SLC16A2: variants seen among roughly 807,000 people sequenced by gnomAD.
The protein encoded by SLC16A2 is monocarboxylate transporter 8.
A neutral mutation model predicts 27.2 loss-of-function variants in SLC16A2; 3 were observed. That is an observed-to-expected ratio of 0.11 (90% CI 0.05 to 0.28). The LOEUF (loss-of-function observed/expected upper bound fraction) is 0.28, where lower values mean the gene tolerates loss of function less well. SLC16A2 is among the 10% of genes least tolerant of loss of function. SLC16A2 has a pLI of 1.00. For synonymous variants in SLC16A2, 202 were observed against 187.8 expected (o/e 1.08, Z -0.62); for missense variants, 295 against 458.5 (o/e 0.64, Z 3.26).
rs758574267 is a variant in SLC16A2 at position 74,441,994 on chromosome X, C to T, written c.430+19927C>T. 2.1e-4 allele frequency among the ~76,000 whole-genome samples: 23 copies of T among 109,913 alleles called. No individual in the cohort carries two copies. In the South Asian group the frequency reaches 2.8e-3, roughly 13 times the overall value. Reference sequence around the variant, plus strand: ...CTGTAATCTCAGCACTTTGGGAGGCCGAGGCGGGTGGATCACCTGAGGTTG... The same window carrying T: ...CTGTAATCTCAGCACTTTGGGAGGCTGAGGCGGGTGGATCACCTGAGGTTG... On this transcript the variant is annotated intron_variant, in intron 1 of 5. Transcript: ENST00000587091.
At chrX:74,435,533 A>ATG (rs750070122) in intron 1 of SLC16A2, among the ~76,000 whole-genome samples, 23,131 of 79,731 alleles carry the variant, frequency 0.29, 3,475 homozygotes, top group African/African-American at 0.51. Context: ...ATGCATATAT[A>ATG]TATGTATATA....
At chrX:74,439,186 T>TTCTTTCTTTCTTTCTTTCTTTCTTTC (rs1555981279) in intron 1 of SLC16A2, among the ~76,000 whole-genome samples, 1 of 51,483 alleles carries the variant, frequency 1.9e-5, no homozygotes, top group East Asian at 6.8e-3. Context: ...CTTTCTTTCT[T>TTCTTTCTTTCTTTCTTTCTTTCTTTC]TTTCTTTCTT....
At position 74,529,332 on chromosome X, in the gene SLC16A2, C is replaced by T; in HGVS notation, c.1290C>T (p.Ile430=). The change falls in exon 5 of 6, where the codon ATC becomes ATT. Residue 430 remains isoleucine, a synonymous_variant. Transcript: ENST00000587091. ...TTTGCGATGGCTTCTTCATCACCATCATGGCCCCCATTGCATTTGAGCTGG... is the reference window on the plus strand; with the variant it reads ...TTTGCGATGGCTTCTTCATCACCATTATGGCCCCCATTGCATTTGAGCTGG... The part of the protein sequence containing the change: ...LGLCDGFFIT[I]MAPIAFELVG... 1.7e-6 allele frequency: 2 copies of T among 1,209,247 alleles called. No individual in the cohort carries two copies. Among genetic ancestry groups the T allele is most frequent in the Non-Finnish European group, 2.2e-6 (2 of 893,915 alleles).
intron 1 of SLC16A2, among the ~76,000 whole-genome samples, chrX:74,502,530 T>C (rs1030605003): frequency 5.3e-5 from 6 of 112,569 alleles, no homozygotes; most frequent in Non-Finnish European, 1.1e-4. Flanking sequence ...GCTCTCTGGA[T>C]ATTTGTAAAT....
intron 1 of SLC16A2, among the ~76,000 whole-genome samples, chrX:74,464,678 T>A (rs1929218059): frequency 9.0e-6 from 1 of 111,517 alleles, no homozygotes; most frequent in Non-Finnish European, 1.9e-5. Flanking sequence ...TAGGGGAGAC[T>A]GGAAGTCCAT....
At chrX:74,522,775 C>T (rs920634354) in intron 2 of SLC16A2, among the ~76,000 whole-genome samples, 6 of 111,817 alleles carry the variant, frequency 5.4e-5, no homozygotes, top group Non-Finnish European at 1.1e-4. Context: ...TTCTTCTCTA[C>T]CCGCTTTGTT....
chrX:74,427,919 A>G (rs1333633544), intron 1 of SLC16A2, among the ~76,000 whole-genome samples: 1 of 111,054 alleles, frequency 9.0e-6, no homozygotes, highest in Non-Finnish European at 1.9e-5. Flanking sequence ...TCATGGAATT[A>G]GGTGTACCAG....
intron 1 of SLC16A2, among the ~76,000 whole-genome samples, chrX:74,496,323 T>A (rs1406444450): frequency 9.0e-6 from 1 of 110,849 alleles, no homozygotes; most frequent in Non-Finnish European, 1.9e-5. Context: ...TACAAGCATA[T>A]CTGACTATCA....
chrX:74,482,789 C>T (rs188466731), intron 1 of SLC16A2, among the ~76,000 whole-genome samples: 3 of 110,772 alleles, frequency 2.7e-5, no homozygotes, highest in East Asian at 5.7e-4. Context: ...CCTTGACTTC[C>T]TGGGCTCAAC....
intron 1 of SLC16A2, among the ~76,000 whole-genome samples, chrX:74,487,050 A>G (rs912696953): frequency 1.8e-5 from 2 of 111,667 alleles, no homozygotes; most frequent in Non-Finnish European, 3.8e-5. Context: ...TAATTCTATT[A>G]ACCTGTAGGT....
At chrX:74,496,570 G>A (rs1342108508) in intron 1 of SLC16A2, among the ~76,000 whole-genome samples, 1 of 112,080 alleles carries the variant, frequency 8.9e-6, no homozygotes. Flanking sequence ...AGGGAACTGT[G>A]GGAACCCAGA....
intron 1 of SLC16A2, among the ~76,000 whole-genome samples, chrX:74,463,817 G>A (rs1479018212): frequency 2.7e-5 from 3 of 112,274 alleles, no homozygotes; most frequent in Non-Finnish European, 3.8e-5. Flanking sequence ...GTGAGCCACC[G>A]TGCCCGGCCT....
chrX:74,452,964 A>G (rs1928969358), intron 1 of SLC16A2, among the ~76,000 whole-genome samples: 1 of 111,187 alleles, frequency 9.0e-6, no homozygotes, highest in East Asian at 2.8e-4. Flanking sequence ...TTGAACTTAC[A>G]GTTGCCTAAA....
At chrX:74,437,595 T>TA (rs776716625) in intron 1 of SLC16A2, among the ~76,000 whole-genome samples, 88 of 112,311 alleles carry the variant, frequency 7.8e-4, no homozygotes, top group South Asian at 1.9e-3. Flanking sequence ...AAGCAAGGTT[T>TA]CCTTAGATCT....
At chrX:74,427,811 G>GCGCGCA (rs1459240575) in intron 1 of SLC16A2, among the ~76,000 whole-genome samples, 167 of 101,717 alleles carry the variant, frequency 1.6e-3, no homozygotes, top group African/African-American at 5.8e-3. Context: ...GCACGCGCGC[G>GCGCGCA]CACACACACA....
intron 4 of SLC16A2, among the ~76,000 whole-genome samples, chrX:74,528,528 T>C (rs1221108970): frequency 9.0e-6 from 1 of 111,503 alleles, no homozygotes; most frequent in Non-Finnish European, 1.9e-5. Flanking sequence ...TTGGTTCCCC[T>C]GGAAGGCTCC....
Position 74,514,467 on chromosome X carries a change from C to T in SLC16A2, c.431-6523C>T, listed in dbSNP as rs545282246. Among the ~76,000 whole-genome samples the T allele has an allele frequency of 8.9e-4, 99 of 111,477 alleles. 2 individuals carry two copies. In the South Asian group the frequency reaches 0.034, roughly 39 times the overall value. On this transcript the variant is annotated intron_variant, in intron 1 of 5. Coordinates refer to ENST00000587091, the MANE Select transcript of SLC16A2 (RefSeq NM_006517.5). ...CAGCTGTAACAAGGTGCTCCAACCT[C>T]CCCGCCTCCCATGCTGAGGTGGTGT... is the stretch of plus-strand genomic sequence containing the variant.
At chrX:74,435,264 A>G (rs1045041253) in intron 1 of SLC16A2, among the ~76,000 whole-genome samples, 6 of 110,191 alleles carry the variant, frequency 5.4e-5, no homozygotes, top group Admixed American at 9.8e-5. Flanking sequence ...TGAAAAGTCA[A>G]CGTGGTTTGT....
chrX:74,523,558 T>C (rs1930443140), intron 2 of SLC16A2, among the ~76,000 whole-genome samples: 1 of 112,096 alleles, frequency 8.9e-6, no homozygotes, highest in Non-Finnish European at 1.9e-5. Context: ...CAGAGGCTTA[T>C]GTCCACAGCA....
Sources: allele counts gnomAD v4.1 joint callset (sites outside exome capture counted in the v4.1 genomes callset), GRCh38; gene constraint gnomAD v4.1.1; transcripts MANE v1.5; gene names NCBI Gene and HGNC (gene_info 2026-07-23, HGNC 2026-07-21).